SYT7: variants seen among roughly 807,000 people sequenced by gnomAD.
The protein encoded by SYT7 is synaptotagmin-7.
Under a neutral mutation model 75.1 loss-of-function variants are expected in SYT7, and 29 were observed. The ratio of observed to expected loss-of-function variants is 0.39; its 90% confidence interval spans 0.29 to 0.53. The LOEUF (loss-of-function observed/expected upper bound fraction) is 0.53, where lower values mean the gene tolerates loss of function less well. SYT7 is among the 20% of genes least tolerant of loss of function. The pLI, the probability that SYT7 is intolerant of heterozygous loss-of-function variation, is 0.77. For missense variants in SYT7, 693 were observed against 953.2 expected (o/e 0.73, Z 3.59); for synonymous variants, 376 against 401.7 (o/e 0.94, Z 0.76).
At position 61,538,246 on chromosome 11, in the gene SYT7, A is replaced by G. The variant is rs908232361; in HGVS notation, c.962T>C (p.Leu321Pro). The G allele has an allele frequency of 6.5e-7, 1 of 1,535,656 alleles. No individual in the cohort carries two copies. The highest frequency in any genetic ancestry group is 1.4e-5 in the African/African-American group (1 of 73,004). The change falls in exon 7 of 13, where the codon CTA (leucine) becomes CCA (proline). Residue 321 changes from leucine to proline, a missense_variant. By Grantham distance (98) the Leu-to-Pro change is moderately conservative (BLOSUM62 -3). Around this residue, in one of 2 missense-constraint regions of SYT7, gnomAD observed 487 missense variants for 593.2 expected, o/e 0.82. Coordinates refer to ENST00000539008, the MANE Select transcript of SYT7 (RefSeq NM_001365809.2). ...KSFLEGRMVVLSLVLGLSEQD... is the reference protein window; with the variant it reads ...KSFLEGRMVVPSLVLGLSEQD... ...TTCCGAAAGCCCTAAGACCAAGGAT[A>G]GCACCACCATCCGGCCTTCCCTGCC...
chr11:61,513,852 C>T lies in SYT7; in HGVS notation c.*4775G>A, dbSNP rs920343303. Among the ~76,000 whole-genome samples, 5 of 152,162 alleles carry T rather than the reference C, an allele frequency of 3.3e-5. No homozygotes were observed. Among genetic ancestry groups the T allele is most frequent in the East Asian group, 1.9e-4 (1 of 5,184 alleles). ...ACACGCAGGACACAGACACGGGGAG[C>T]GGGGCGTCTTCACGGGAAACAGATG... On this transcript the variant is annotated 3_prime_UTR_variant, in exon 13 of 13. Coordinates refer to ENST00000539008, the MANE Select transcript of SYT7 (RefSeq NM_001365809.2).
At chr11:61,562,690 C>T (rs935874508) in intron 1 of SYT7, among the ~76,000 whole-genome samples, 8 of 152,084 alleles carry the variant, frequency 5.3e-5, no homozygotes, top group East Asian at 1.9e-4. Context: ...CAGGGCTTGA[C>T]CAAAGCAAGC....
chr11:61,583,323 T>G (rs555280282), upstream of SYT7, among the ~76,000 whole-genome samples: 1 of 151,956 alleles, frequency 6.6e-6, no homozygotes, highest in South Asian at 2.1e-4. Flanking sequence ...TCCAGATCCC[T>G]CCACCCATCA....
chr11:61,534,768 T>C (rs2062818104), intron 7 of SYT7, among the ~76,000 whole-genome samples: 1 of 151,208 alleles, frequency 6.6e-6, no homozygotes, highest in East Asian at 2.0e-4. Flanking sequence ...AAACGCCCAC[T>C]CCACCCAGCG....
At position 61,556,194 on chromosome 11, in the gene SYT7, G is replaced by A. The variant is rs547867914; in HGVS notation, c.45C>T (p.Arg15=). The A allele has an allele frequency of 3.4e-5, 55 of 1,613,400 alleles. No homozygotes were observed. The highest frequency in any genetic ancestry group is 4.3e-5 in the Non-Finnish European group (51 of 1,179,786). The stretch of plus-strand genomic sequence containing the variant: ...TGATGGCAGAGACCAGCAGGACGTC[G>A]CGCGAGGGCGCCCCTGGGGAGGACA... The part of the protein sequence containing the change: ...PEAASPGAPS[R]DVLLVSAIIT... Residue 15 remains arginine (R), a synonymous_variant, in exon 2 of 13, where the codon CGC becomes CGT. Transcript: ENST00000539008.
intron 1 of SYT7, among the ~76,000 whole-genome samples, chr11:61,558,529 CACACACAT>C (rs1260773622): frequency 4.5e-4 from 67 of 149,804 alleles, no homozygotes; most frequent in African/African-American, 1.6e-3. Context: ...CACACACACA[CACACACAT>C]ATATATATAA....
rs372163020 is a variant in SYT7 at position 61,556,193 on chromosome 11, C to T, written c.46G>A (p.Asp16Asn). Residue 16 changes from aspartate to asparagine, a missense_variant, in exon 2 of 13, where the codon GAC (aspartate) becomes AAC (asparagine). By Grantham distance (23) the Asp-to-Asn change is conservative. This residue lies in a region of SYT7 where 487 missense variants were observed against 593.2 expected (regional missense o/e 0.82). Coordinates refer to ENST00000539008, the MANE Select transcript of SYT7 (RefSeq NM_001365809.2). ...ATGATGGCAGAGACCAGCAGGACGT[C>T]GCGCGAGGGCGCCCCTGGGGAGGAC... is the stretch of plus-strand genomic sequence containing the variant. ...EAASPGAPSR[D>N]VLLVSAIITV... 24 of 1,613,382 alleles carry T rather than the reference C, an allele frequency of 1.5e-5. No individual in the cohort carries two copies. The highest frequency in any genetic ancestry group is 1.8e-5 in the Non-Finnish European group (21 of 1,179,782).
chr11:61,537,993 G>A (rs1432776641), intron 7 of SYT7, 151 bp downstream of exon 7: 5 of 1,216,904 alleles, frequency 4.1e-6, no homozygotes, highest in Non-Finnish European at 5.6e-6. Flanking sequence ...GTGCGTGAGG[G>A]CACCGGCTGG....
At chr11:61,538,524 G>A (rs2062949703) in intron 6 of SYT7, among the ~76,000 whole-genome samples, 2 of 152,150 alleles carry the variant, frequency 1.3e-5, no homozygotes, top group African/African-American at 4.8e-5. Context: ...GGGAGGGAGG[G>A]GAGTTGACTA....
chr11:61,538,346 G>GAGA (rs2062932844), intron 6 of SYT7, 80 bp from the exon 7 acceptor site: 52 of 203,196 alleles, frequency 2.6e-4, no homozygotes, highest in Non-Finnish European at 3.1e-4. Flanking sequence ...GGAGAGAGAG[G>GAGA]GAGAGAGAGA....
chr11:61,565,128 G>C (rs2063734511), intron 1 of SYT7, among the ~76,000 whole-genome samples: 1 of 152,140 alleles, frequency 6.6e-6, no homozygotes, highest in Non-Finnish European at 1.5e-5. Context: ...TACACGTCAA[G>C]CCCCAGCACT....
At chr11:61,531,946 T>G (rs994847117) in intron 8 of SYT7, among the ~76,000 whole-genome samples, 5 of 150,774 alleles carry the variant, frequency 3.3e-5, no homozygotes, top group Admixed American at 2.6e-4. Context: ...GAAGGCCCAT[T>G]GACCAGGAAT....
At chr11:61,534,625 C>T (rs2062814764) in intron 7 of SYT7, among the ~76,000 whole-genome samples, 2 of 152,224 alleles carry the variant, frequency 1.3e-5, no homozygotes, top group Admixed American at 1.3e-4. Context: ...GAGACCCAGG[C>T]ATGCCACGTG....
chr11:61,538,377 G>GAGAGAGAA, intron 6 of SYT7, 111 bp from the exon 7 acceptor site: 1 of 903,122 alleles, frequency 1.1e-6, no homozygotes, highest in Non-Finnish European at 1.6e-6. Flanking sequence ...GAGAGAGAGA[G>GAGAGAGAA]AGAGAGAGAG....
intron 1 of SYT7, among the ~76,000 whole-genome samples, chr11:61,579,295 G>A (rs557979112): frequency 9.9e-5 from 15 of 152,256 alleles, no homozygotes; most frequent in Non-Finnish European, 1.9e-4. Flanking sequence ...CCATGGGCTG[G>A]AAGCCGGCGG....
intron 5 of SYT7, among the ~76,000 whole-genome samples, 196 bp downstream of exon 5, chr11:61,545,835 T>C (rs2063166908): frequency 6.6e-6 from 1 of 152,130 alleles, no homozygotes. Context: ...GAGGCTGAAA[T>C]GCATCACTGT....
chr11:61,561,120 T>C (rs1045517272), intron 1 of SYT7, among the ~76,000 whole-genome samples: 2 of 152,160 alleles, frequency 1.3e-5, no homozygotes, highest in Non-Finnish European at 2.9e-5. Context: ...GTCCCCTTAC[T>C]GTCAGCATAT....
chr11:61,543,655 G>A (rs1372747605), intron 5 of SYT7, among the ~76,000 whole-genome samples: 1 of 152,254 alleles, frequency 6.6e-6, no homozygotes, highest in Non-Finnish European at 1.5e-5. Flanking sequence ...GAATTGCCAT[G>A]AGGATCTAAT....
intron 7 of SYT7, among the ~76,000 whole-genome samples, chr11:61,534,564 G>A (rs746507580): frequency 1.6e-4 from 25 of 152,138 alleles, no homozygotes; most frequent in Non-Finnish European, 2.9e-4. Context: ...CAGCAGTGAC[G>A]ACACACATAC....
Sources: gnomAD v4.1 joint callset for allele counts (sites outside exome capture counted in the v4.1 genomes callset) on GRCh38, gnomAD v4.1.1 for gene constraint, gnomAD v4.1.1 regional missense constraint, MANE v1.5 for transcripts, NCBI Gene and HGNC (gene_info 2026-07-23, HGNC 2026-07-21) for gene names.